SRPK1: variants seen among roughly 807,000 people sequenced by gnomAD.
The protein encoded by SRPK1 is SFRS protein kinase 1.
A neutral mutation model predicts 89.5 loss-of-function variants in SRPK1; 52 were observed. The observed-to-expected ratio is 0.58, with a 90% CI of 0.46 to 0.73. The LOEUF is 0.73. SRPK1 is among the 30% of genes least tolerant of loss of function. SRPK1 has a pLI of 0.00. For synonymous variants in SRPK1, 255 were observed against 270.2 expected (o/e 0.94, Z 0.55); for missense variants, 603 against 780.6 (o/e 0.77, Z 2.71).
In SRPK1 at chr6:35,841,830, C is replaced by CAA. The variant is rs749935901; in HGVS notation, c.1690+703_1690+704dup. On this transcript the variant is annotated intron_variant, in intron 14 of 15. Transcript: ENST00000373825. ...CTGGCGACAGAGTGAGACTCCGTCT[C>CAA]AAAAAAAAAAAAAAAAAAAAAAAAA... is the stretch of plus-strand genomic sequence containing the variant. 6.6e-3 allele frequency among the ~76,000 whole-genome samples: 295 copies of CAA among 44,598 alleles called. 10 individuals are homozygous for CAA. Among genetic ancestry groups the CAA allele is most frequent in the East Asian group, 0.017 (28 of 1,624 alleles). 29.3% of individuals were successfully genotyped at this position (44,598 alleles called of 152,430 possible).
intron 6 of SRPK1, among the ~76,000 whole-genome samples, chr6:35,885,585 C>T (rs1770391212): frequency 6.6e-6 from 1 of 152,030 alleles, no homozygotes; most frequent in Admixed American, 6.6e-5. Context: ...CCTTTAAATA[C>T]AAAAAGATCA....
intron 6 of SRPK1, among the ~76,000 whole-genome samples, chr6:35,883,919 G>C (rs1042564829): frequency 6.6e-6 from 1 of 151,844 alleles, no homozygotes; most frequent in African/African-American, 2.4e-5. Flanking sequence ...ATTTTTAGTA[G>C]AGATGAGGTT....
chr6:35,919,796 G>T (rs1322853993), intron 2 of SRPK1, among the ~76,000 whole-genome samples: 4 of 152,216 alleles, frequency 2.6e-5, no homozygotes, highest in Admixed American at 2.0e-4. Flanking sequence ...GTTTGTTAAA[G>T]AACTCTCCCG....
At chr6:35,913,144 G>A (rs1354631437) in intron 2 of SRPK1, among the ~76,000 whole-genome samples, 1 of 152,222 alleles carries the variant, frequency 6.6e-6, no homozygotes, top group East Asian at 1.9e-4. Context: ...CAAGTTGCTG[G>A]TTTCAAGTAA....
At position 35,902,234 on chromosome 6, in the gene SRPK1, A is replaced by C. The variant is rs1581595726; in HGVS notation, c.75-11221T>G. 6.3e-5 allele frequency among the ~76,000 whole-genome samples: 4 copies of C among 63,922 alleles called. No homozygotes were observed. The South Asian group carries it at 3.3e-3, about 52-fold the overall frequency. The allele number at this position is 63,922 out of a possible 152,430, so 41.9% of individuals were successfully genotyped here. ...CAGATGGCGAGACTCCGTCTCTACAAAAAAAAAAAAAAAAAAAAGAAAAAA... is the reference window on the plus strand; with the variant it reads ...CAGATGGCGAGACTCCGTCTCTACACAAAAAAAAAAAAAAAAAAGAAAAAA... On this transcript the variant is annotated intron_variant, in intron 2 of 15. Coordinates refer to ENST00000373825, the MANE Select transcript of SRPK1 (RefSeq NM_003137.5).
At chr6:35,864,324 A>T (rs1769848936) in intron 12 of SRPK1, among the ~76,000 whole-genome samples, 1 of 151,156 alleles carries the variant, frequency 6.6e-6, no homozygotes. Context: ...AGAATATATA[A>T]GGAGCTCAAG....
At chr6:35,838,982 A>G in intron 14 of SRPK1, 1 of 476,414 alleles carries the variant, frequency 2.1e-6, no homozygotes, top group Non-Finnish European at 3.4e-6. Context: ...AGTGTCTGGC[A>G]AGTCCCATTC....
At chr6:35,869,140 T>C in intron 11 of SRPK1, 30 bp from the exon 12 acceptor site, 1 of 1,555,096 alleles carries the variant, frequency 6.4e-7, no homozygotes, top group Non-Finnish European at 8.8e-7. Flanking sequence ...TCAATAAGAC[T>C]GTTCAATGAA....
chr6:35,873,529 G>A (rs1393335787), intron 7 of SRPK1, among the ~76,000 whole-genome samples: 2 of 149,698 alleles, frequency 1.3e-5, no homozygotes, highest in African/African-American at 2.5e-5. Flanking sequence ...TTGCTCTGTC[G>A]CCCAGGCTGG....
chr6:35,837,482 C>CT (rs1769205149), intron 15 of SRPK1, among the ~76,000 whole-genome samples: 1 of 152,204 alleles, frequency 6.6e-6, no homozygotes, highest in African/African-American at 2.4e-5. Flanking sequence ...AATCAGCAAA[C>CT]TGAGGCACAG....
At chr6:35,906,373 C>T (rs1372425319) in intron 2 of SRPK1, among the ~76,000 whole-genome samples, 3 of 152,122 alleles carry the variant, frequency 2.0e-5, no homozygotes, top group African/African-American at 4.8e-5. Context: ...TACAGGCGTG[C>T]ACCATCACGC....
Position 35,869,027 on chromosome 6 carries a change from C to A in SRPK1, c.1495G>T (p.Gly499Ter). 6.2e-7 allele frequency: 1 copy of A among 1,613,802 alleles called. No homozygotes were observed. The highest frequency in any genetic ancestry group is 8.5e-7 in the Non-Finnish European group (1 of 1,179,860). The change falls in exon 12 of 16, where the codon GGA becomes TGA. Residue 499 changes from glycine (G) to a stop codon, truncating the protein, a stop_gained. Coordinates refer to ENST00000373825, the MANE Select transcript of SRPK1 (RefSeq NM_003137.5). LOFTEE classifies it high-confidence loss of function. ...TAACTTACCACCCAACAAGCATTTC[C>A]AAGGTCAGCAATCTTCACCTTGAGC... Reference protein sequence around the residue: ...EKLKVKIADLGNACWVHKHFT... With the variant: ...EKLKVKIADL
At chr6:35,865,697 G>A (rs1769881317) in intron 12 of SRPK1, among the ~76,000 whole-genome samples, 1 of 152,092 alleles carries the variant, frequency 6.6e-6, no homozygotes, top group Non-Finnish European at 1.5e-5. Context: ...CTGGGAAAAA[G>A]ACATCCTTTT....
intron 2 of SRPK1, among the ~76,000 whole-genome samples, chr6:35,894,513 A>G (rs1404409033): frequency 6.6e-6 from 1 of 152,320 alleles, no homozygotes; most frequent in East Asian, 1.9e-4. Flanking sequence ...ACTTATGAAA[A>G]TAGAAGAGAT....
At chr6:35,835,565 A>G (rs1253424656) in intron 15 of SRPK1, 77 bp from the exon 16 acceptor site, 2 of 1,359,530 alleles carry the variant, frequency 1.5e-6, no homozygotes, top group Non-Finnish European at 2.0e-6. Flanking sequence ...AAACCCACAA[A>G]CTAACCCATG....
chr6:35,874,258 G>A lies in SRPK1; in HGVS notation c.560C>T (p.Pro187Leu). Residue 187 changes from proline to leucine, a missense_variant, in exon 7 of 16, where the codon CCT (proline) becomes CTT (leucine). Coordinates refer to ENST00000373825, the MANE Select transcript of SRPK1 (RefSeq NM_003137.5). Reference protein sequence around the residue: ...IKSNYQGLPLPCVKKIIQQVL... With the variant: ...IKSNYQGLPLLCVKKIIQQVL... ...TTGCTGAATAATTTTTTTGACACAA[G>A]GCAGTGGAAGCCCCTGATAATTGGA... The A allele has an allele frequency of 1.3e-5, 21 of 1,612,900 alleles. No individual in the cohort carries two copies. Among genetic ancestry groups the A allele is most frequent in the Non-Finnish European group, 1.8e-5 (21 of 1,179,380 alleles).
chr6:35,875,370 C>T (rs994970877), intron 6 of SRPK1, among the ~76,000 whole-genome samples: 3 of 151,980 alleles, frequency 2.0e-5, no homozygotes, highest in Admixed American at 2.0e-4. Flanking sequence ...TGTGTACCAC[C>T]ACGCTGGGCT....
At chr6:35,909,213 C>G (rs1412528921) in intron 2 of SRPK1, among the ~76,000 whole-genome samples, 1 of 152,226 alleles carries the variant, frequency 6.6e-6, no homozygotes, top group African/African-American at 2.4e-5. Context: ...CTGCCCAAGG[C>G]TATGGGATCC....
intron 13 of SRPK1, among the ~76,000 whole-genome samples, chr6:35,843,319 C>T (rs1362747365): frequency 7.9e-6 from 1 of 127,024 alleles, no homozygotes; most frequent in Admixed American, 7.9e-5. Flanking sequence ...AGATTCTGTA[C>T]CAAACAAAAA....
Sources: allele counts gnomAD v4.1 joint callset (sites outside exome capture counted in the v4.1 genomes callset), GRCh38; gene constraint gnomAD v4.1.1; transcripts MANE v1.5; gene names NCBI Gene and HGNC (gene_info 2026-07-23, HGNC 2026-07-21).